Variants in IMPG2 observed in about 807,000 individuals in gnomAD.
IMPG2 encodes the protein interphotoreceptor matrix proteoglycan 2.
IMPG2 carries 91 observed loss-of-function variants against 129.2 expected under a neutral mutation model. That is an observed-to-expected ratio of 0.70 (90% CI 0.59 to 0.84). IMPG2 has a LOEUF of 0.84. Among genes scored for constraint, IMPG2 ranks in the 40% least tolerant of loss-of-function variants. The pLI is 0.00. For synonymous variants in IMPG2, 510 were observed against 517.7 expected (o/e 0.99, Z 0.20); for missense variants, 1,430 against 1,461.7 (o/e 0.98, Z 0.35).
chr3:101,281,470 T>C (rs78989473), intron 4 of IMPG2, among the ~76,000 whole-genome samples: 6,042 of 152,272 alleles, frequency 0.04, 427 homozygotes, highest in African/African-American at 0.14. Context: ...TTTTAAGAGT[T>C]GGCAACTGAT....
chr3:101,256,213 GAAAGA>G (rs1372425118), intron 10 of IMPG2, among the ~76,000 whole-genome samples: 12 of 140,858 alleles, frequency 8.5e-5, no homozygotes, highest in East Asian at 6.3e-4. Flanking sequence ...AAGAAAGAAA[GAAAGA>G]AAAAAATATC....
chr3:101,317,973 C>A (rs1274620172), intron 2 of IMPG2, among the ~76,000 whole-genome samples: 21 of 150,900 alleles, frequency 1.4e-4, no homozygotes, highest in South Asian at 4.2e-4. Context: ...CACAAAAAAA[C>A]AAAACAAAAA....
At chr3:101,256,181 GAAA>G (rs1559646381) in intron 10 of IMPG2, among the ~76,000 whole-genome samples, 3 of 142,990 alleles carry the variant, frequency 2.1e-5, no homozygotes, top group African/African-American at 7.9e-5. Context: ...AAGAAAGAAA[GAAA>G]GAAAGAAAGA....
At chr3:101,270,779 G>A (rs1462014164) in intron 7 of IMPG2, among the ~76,000 whole-genome samples, 2 of 151,992 alleles carry the variant, frequency 1.3e-5, no homozygotes, top group African/African-American at 2.4e-5. Flanking sequence ...CAGCCTGGGC[G>A]ACATACTCCG....
intron 2 of IMPG2, among the ~76,000 whole-genome samples, chr3:101,306,941 A>G (rs575248118): frequency 2.6e-5 from 4 of 152,330 alleles, no homozygotes; most frequent in African/African-American, 7.2e-5. Flanking sequence ...GTTAATAAAA[A>G]TGAGTAGGCA....
rs1407244592 is a variant in IMPG2, at chr3:101,229,397, T to C, written c.3616A>G (p.Ser1206Gly). Residue 1206 changes from serine (S) to glycine (G), a missense_variant, in exon 17 of 19, where the codon AGT becomes GGT. Transcript: ENST00000193391. ...REEIRQMYES[S>G]ELSREEIQER... ...TTTCCCACCTCTCTGGAAAGCTCAC[T>C]GCTCTCATACATCTGTCTGATTTCT... The C allele has an allele frequency of 2.1e-6, 3 of 1,400,504 alleles. No individual in the cohort carries two copies. The highest frequency in any genetic ancestry group is 1.9e-5 in the Admixed American group (1 of 52,370). 86.8% of individuals were successfully genotyped at this position (1,400,504 alleles called of 1,614,324 possible). A position where few individuals can be genotyped will look rare whatever the true frequency, so the allele number is the denominator to read the frequency against.
chr3:101,310,559 CAAAAAAAAAAAAAAAAA>C (rs199570786), intron 2 of IMPG2, among the ~76,000 whole-genome samples: 317 of 126,420 alleles, frequency 2.5e-3, no homozygotes, highest in Admixed American at 2.5e-3. Flanking sequence ...GACCCTGTCT[CAAAAAAAAAAAAAAAAA>C]AAAAAAAAAA....
Position 101,242,842 on chromosome 3 carries a change from AT to A in IMPG2, c.2867del (p.Asn956MetfsTer6). 1.2e-6 allele frequency: 2 copies of A among 1,614,098 alleles called. No individual in the cohort carries two copies. The highest frequency in any genetic ancestry group is 1.7e-6 in the Non-Finnish European group (2 of 1,179,980). On this transcript the variant is annotated frameshift_variant, in exon 14 of 19. Transcript: ENST00000193391. LOFTEE classifies it high-confidence loss of function. Reference protein sequence around the residue: ...FQNLEILNFRNGSIVVNSRMK... With the variant: ...FQNLEILNFRXGSIVVNSRMK... ...TTCGACTGTTCACCACAATGCTGCCATTTCTGAAGTTGAGGATTTCTAAGTT... is the reference window on the plus strand; with the variant it reads ...TTCGACTGTTCACCACAATGCTGCCATTCTGAAGTTGAGGATTTCTAAGTT...
intron 10 of IMPG2, among the ~76,000 whole-genome samples, chr3:101,256,155 A>AAGAAAGAAAGAAAGAAAG (rs1706600628): frequency 7.8e-6 from 1 of 127,892 alleles, no homozygotes; most frequent in African/African-American, 3.0e-5. Context: ...AAAAGAAAGA[A>AAGAAAGAAAGAAAGAAAG]AGAAAGAAAG....
chr3:101,318,021 A>T (rs1459028859), intron 2 of IMPG2, among the ~76,000 whole-genome samples: 2 of 151,890 alleles, frequency 1.3e-5, no homozygotes, highest in Non-Finnish European at 2.9e-5. Flanking sequence ...CTGTAATCCC[A>T]GCTACTTGGG....
chr3:101,257,853 C>T, intron 9 of IMPG2, 80 bp from the exon 10 acceptor site: 2 of 1,500,014 alleles, frequency 1.3e-6, no homozygotes, highest in Non-Finnish European at 1.8e-6. Flanking sequence ...GAAGAACAAA[C>T]ATTGGACCTA....
At chr3:101,282,596 TG>T (rs1706903535) in intron 4 of IMPG2, among the ~76,000 whole-genome samples, 1 of 152,226 alleles carries the variant, frequency 6.6e-6, no homozygotes, top group South Asian at 2.1e-4. Context: ...TTTGTAAATT[TG>T]TTTCAACATG....
intron 3 of IMPG2, among the ~76,000 whole-genome samples, chr3:101,292,396 A>G (rs1186203266): frequency 6.6e-6 from 1 of 152,218 alleles, no homozygotes; most frequent in Non-Finnish European, 1.5e-5. Flanking sequence ...TTCCTAGTGT[A>G]TATAAAAGTT....
At chr3:101,262,235 G>C (rs1387760302) in intron 9 of IMPG2, among the ~76,000 whole-genome samples, 1 of 151,592 alleles carries the variant, frequency 6.6e-6, no homozygotes, top group Non-Finnish European at 1.5e-5. Flanking sequence ...ATATAAATTG[G>C]GTATACCAGA....
Position 101,319,801 on chromosome 3 carries a change from T to C in IMPG2, c.117A>G (p.Gln39=), listed in dbSNP as rs1479219540. Residue 39 remains glutamine (Q), a synonymous_variant, in exon 2 of 19, where the codon CAA becomes CAG. Transcript: ENST00000193391. The part of the protein sequence containing the change: ...AQTYLSIEEI[Q]EPKSAVSFLL... Reference sequence around the variant, plus strand: ...GAAAAGAAACTGCACTCTTGGGTTCTTGGATCTCCTCTATAGATAAGTAGG... The same window carrying C: ...GAAAAGAAACTGCACTCTTGGGTTCCTGGATCTCCTCTATAGATAAGTAGG... 18 of 1,613,046 alleles carry C rather than the reference T, an allele frequency of 1.1e-5. No homozygotes were observed. Among genetic ancestry groups the C allele is most frequent in the Admixed American group, 1.7e-5 (1 of 59,892 alleles).
At chr3:101,248,736 A>G (rs1706511962) in intron 11 of IMPG2, among the ~76,000 whole-genome samples, 1 of 152,144 alleles carries the variant, frequency 6.6e-6, no homozygotes, top group Non-Finnish European at 1.5e-5. Context: ...CTGTCTAACA[A>G]TCTTATTTTC....
chr3:101,247,456 G>A (rs1031989687), intron 11 of IMPG2, among the ~76,000 whole-genome samples: 2 of 152,156 alleles, frequency 1.3e-5, no homozygotes, highest in African/African-American at 4.8e-5. Context: ...AATTAGCTGG[G>A]TGTGGTGGCA....
intron 3 of IMPG2, among the ~76,000 whole-genome samples, chr3:101,300,635 C>A (rs1050175479): frequency 6.6e-6 from 1 of 152,146 alleles, no homozygotes; most frequent in Non-Finnish European, 1.5e-5. Flanking sequence ...CTGGGGGCTG[C>A]GGCACCACAC....
rs558268174 is a variant in IMPG2 at position 101,315,000 on chromosome 3, A to G, written c.334+4584T>C. Among the ~76,000 whole-genome samples the G allele has an allele frequency of 1.0e-3, 157 of 152,228 alleles. 1 individual carries two copies. The highest frequency in any genetic ancestry group is 3.4e-3 in the African/African-American group (143 of 41,554). On this transcript the variant is annotated intron_variant, in intron 2 of 18. Coordinates refer to ENST00000193391, the MANE Select transcript of IMPG2 (RefSeq NM_016247.4). ...CTCACTAGACAAGAGTACCCAAGGG[A>G]AAAAAGACTCTCCCAGCTCCCTTCA...
Sources: gnomAD v4.1 joint callset for allele counts (sites outside exome capture counted in the v4.1 genomes callset) on GRCh38, gnomAD v4.1.1 for gene constraint, MANE v1.5 for transcripts, NCBI Gene and HGNC (gene_info 2026-07-23, HGNC 2026-07-21) for gene names.